Variants in ME3 observed in about 807,000 individuals in gnomAD.
ME3 encodes malic enzyme 3.
A neutral mutation model predicts 68.9 loss-of-function variants in ME3; 48 were observed. That is an observed-to-expected ratio of 0.70 (90% confidence interval 0.55 to 0.89). The LOEUF (loss-of-function observed/expected upper bound fraction) is 0.89. Ranked by LOEUF, ME3 falls within the 40% of genes least tolerant of loss-of-function variation. The pLI is 0.00. For synonymous variants in ME3, 320 were observed against 318.8 expected, an observed-to-expected ratio of 1.00 and a Z score of -0.04; for missense variants, 675 against 797.4, an observed-to-expected ratio of 0.85 and a Z score of 1.85.
rs1959193399 is a variant in ME3, at chr11:86,594,840, G to GCC, written c.184-35019_184-35018dup. On this transcript the variant is annotated intron_variant, in intron 2 of 14. Transcript: ENST00000543262. ...AATGCCTCTGATACTTTGCAAGGTAGCCCTTGAAGGTAGCAAAAAATAATG... is the reference window on the plus strand; with the variant it reads ...AATGCCTCTGATACTTTGCAAGGTAGCCCCCTTGAAGGTAGCAAAAAATAATG... 1.4e-5 allele frequency among the ~76,000 whole-genome samples: 2 copies of GCC among 146,800 alleles called. 1 individual carries two copies. The highest frequency in any genetic ancestry group is 1.4e-4 in the Admixed American group (2 of 13,802).
chr11:86,669,504 T>C (rs536020297), intron 2 of ME3, among the ~76,000 whole-genome samples: 1 of 152,164 alleles, frequency 6.6e-6, no homozygotes, highest in Non-Finnish European at 1.5e-5. Context: ...CCTCAGAGGG[T>C]GGCAGGAGAG....
chr11:86,483,531 GAA>G (rs919808467), intron 7 of ME3, among the ~76,000 whole-genome samples: 2 of 151,816 alleles, frequency 1.3e-5, no homozygotes, highest in Non-Finnish European at 2.9e-5. Context: ...ATGGTGAGGG[GAA>G]AGAGAGAGAG....
intron 7 of ME3, among the ~76,000 whole-genome samples, chr11:86,475,902 A>AGAGAGAGAGAG (rs1565830505): frequency 1.9e-4 from 18 of 93,322 alleles, no homozygotes; most frequent in Middle Eastern, 5.6e-3. Context: ...GAGAGAGAGA[A>AGAGAGAGAGAG]AGAGAAAGAG....
intron 6 of ME3, among the ~76,000 whole-genome samples, chr11:86,496,048 G>T (rs933445110): frequency 9.9e-5 from 15 of 152,132 alleles, no homozygotes; most frequent in African/African-American, 3.6e-4. Flanking sequence ...GATCATATCT[G>T]CAGATGAAGC....
In ME3 at chr11:86,668,577, T is replaced by G. The variant is rs1444340472; in HGVS notation, c.183+3185A>C. On this transcript the variant is annotated intron_variant, in intron 2 of 14. Coordinates refer to ENST00000543262, the Ensembl canonical transcript of ME3. ...ACCACATGGGGGCTGTCTCCTATGA[T>G]CCTCAAAGCAGTAGTGTAACACGGG... 5.3e-5 allele frequency among the ~76,000 whole-genome samples: 8 copies of G among 152,306 alleles called. No individual in the cohort carries two copies. The East Asian group carries it at 1.4e-3, about 26-fold the overall frequency.
intron 2 of ME3, among the ~76,000 whole-genome samples, chr11:86,635,288 A>C (rs922678698): frequency 1.3e-5 from 2 of 152,188 alleles, no homozygotes; most frequent in Admixed American, 1.3e-4. Context: ...TTCTCTCTCC[A>C]CCTGCATACA....
chr11:86,547,411 A>G (rs1001334381), intron 4 of ME3, among the ~76,000 whole-genome samples: 1 of 151,102 alleles, frequency 6.6e-6, no homozygotes, highest in Non-Finnish European at 1.5e-5. Flanking sequence ...GTTCTCACTT[A>G]TAAGTGGGAG....
chr11:86,463,119 T>A (rs929697684), intron 8 of ME3, among the ~76,000 whole-genome samples: 19 of 152,214 alleles, frequency 1.2e-4, no homozygotes, highest in Non-Finnish European at 2.5e-4. Context: ...TCGCAGCAGT[T>A]TGGGGGCGGA....
intron 7 of ME3, among the ~76,000 whole-genome samples, chr11:86,486,782 C>T (rs1189767773): frequency 1.3e-5 from 2 of 152,186 alleles, no homozygotes; most frequent in Non-Finnish European, 2.9e-5. Flanking sequence ...CGATGGCAGA[C>T]AGATGGGGCA....
intron 2 of ME3, among the ~76,000 whole-genome samples, chr11:86,572,917 T>C (rs1247772937): frequency 6.6e-6 from 1 of 152,234 alleles, no homozygotes; most frequent in Non-Finnish European, 1.5e-5. Flanking sequence ...GTGTTCCTGT[T>C]TCTCCACAGC....
intron 2 of ME3, among the ~76,000 whole-genome samples, chr11:86,665,899 G>A (rs1946561755): frequency 6.6e-6 from 1 of 152,202 alleles, no homozygotes; most frequent in South Asian, 2.1e-4. Context: ...GAAGACTGAA[G>A]AGGACTGGAA....
chr11:86,620,558 A>T (rs1943282642), intron 2 of ME3, among the ~76,000 whole-genome samples: 1 of 152,216 alleles, frequency 6.6e-6, no homozygotes, highest in South Asian at 2.1e-4. Flanking sequence ...ATGTGAAATC[A>T]GATCTTTGGA....
At chr11:86,668,705 C>G (rs923747884) in intron 2 of ME3, among the ~76,000 whole-genome samples, 1 of 152,212 alleles carries the variant, frequency 6.6e-6, no homozygotes, top group Non-Finnish European at 1.5e-5. Context: ...TTGCCCTGGT[C>G]GGCACCTCTT....
intron 4 of ME3, among the ~76,000 whole-genome samples, chr11:86,532,457 T>C (rs10444374): frequency 0.24 from 36,432 of 152,128 alleles, 4,475 homozygotes; most frequent in African/African-American, 0.27. Context: ...GGATAGATCA[T>C]ATGTTAGGCC....
intron 7 of ME3, among the ~76,000 whole-genome samples, chr11:86,471,283 G>A (rs1330990779): frequency 6.6e-6 from 1 of 150,720 alleles, no homozygotes; most frequent in Non-Finnish European, 1.5e-5. Context: ...CTACAGGCAT[G>A]CACCACCAAG....
chr11:86,475,866 TATATATATAG>T (rs1444306284), intron 7 of ME3, among the ~76,000 whole-genome samples: 1 of 111,958 alleles, frequency 8.9e-6, no homozygotes, highest in Non-Finnish European at 1.9e-5. Context: ...TATATATATA[TATATATATAG>T]AGAGAGAGAG....
At position 86,457,826 on chromosome 11, in the gene ME3, C is replaced by A. The variant is rs1950025598; in HGVS notation, c.919+7265G>T. The A allele has an allele frequency of 5.6e-6, 7 of 1,247,786 alleles. No homozygotes were observed. The Admixed American group carries it at 1.7e-4, about 31-fold the overall frequency. 77.3% of individuals were successfully genotyped at this position (1,247,786 alleles called of 1,614,324 possible). ...GAGATTTCCATAATTACATTTCCTG[C>A]AAACTGAGTACTTGAGGTTGTAGCT... On this transcript the variant is annotated intron_variant, in intron 8 of 14. Coordinates refer to ENST00000543262, the Ensembl canonical transcript of ME3.
In ME3 at chr11:86,643,504, G is replaced by C. The variant is rs1003572250; in HGVS notation, c.183+28258C>G. On this transcript the variant is annotated intron_variant, in intron 2 of 14. Coordinates refer to ENST00000543262, the Ensembl canonical transcript of ME3. ...CTTAGCCTTGACACACCAAGAAAAA[G>C]TAATCACCCTTGGAAAGAGGTTACA... Among the ~76,000 whole-genome samples, 3 of 152,000 alleles carry C rather than the reference G, an allele frequency of 2.0e-5. No homozygotes were observed. In the South Asian group the frequency reaches 6.2e-4, roughly 32 times the overall value.
chr11:86,668,128 A>C (rs896704836), intron 2 of ME3: 1 of 152,082 alleles, frequency 6.6e-6, no homozygotes, highest in Admixed American at 6.6e-5. Flanking sequence ...TGCAGTTGTG[A>C]ATTGCCATCA....
Sources: allele counts gnomAD v4.1 joint callset (sites outside exome capture counted in the v4.1 genomes callset), GRCh38; gene constraint gnomAD v4.1.1; transcripts MANE v1.5; gene names NCBI Gene and HGNC (gene_info 2026-07-23, HGNC 2026-07-21).